The following TWIST2 variants were observed in gnomAD, a reference collection of about 807,000 sequenced individuals.
TWIST2 encodes the protein twist family bHLH transcription factor 2.
Under a neutral mutation model 11.6 loss-of-function variants are expected in TWIST2, and 1 was observed. That is an observed-to-expected ratio of 0.09 (90% CI 0.03 to 0.41). TWIST2 has a LOEUF of 0.41. TWIST2 is among the 10% of genes least tolerant of loss of function. TWIST2 has a pLI of 0.98. For synonymous variants in TWIST2, 87 were observed against 96.6 expected (o/e 0.90, Z 0.58); for missense variants, 168 against 226.4 (o/e 0.74, Z 1.66).
intron 1 of TWIST2, among the ~76,000 whole-genome samples, chr2:238,860,857 G>A (rs1352440194): frequency 1.3e-5 from 2 of 152,184 alleles, no homozygotes; most frequent in Non-Finnish European, 2.9e-5. Flanking sequence ...AGAATCGCTT[G>A]AACCTGGGAG....
chr2:238,886,265 A>G (rs1559280735), intron 1 of TWIST2, among the ~76,000 whole-genome samples: 1 of 152,060 alleles, frequency 6.6e-6, no homozygotes, highest in South Asian at 2.1e-4. Context: ...CTGAAGCACC[A>G]AAAACCCCAG....
intron 1 of TWIST2, among the ~76,000 whole-genome samples, chr2:238,851,417 G>T (rs1164756028): frequency 6.6e-6 from 1 of 152,180 alleles, no homozygotes; most frequent in East Asian, 1.9e-4. Flanking sequence ...TGAGTCTTCG[G>T]AGCAGGGTCC....
At chr2:238,850,193 T>A (rs1467849864) in intron 1 of TWIST2, among the ~76,000 whole-genome samples, 4 of 152,230 alleles carry the variant, frequency 2.6e-5, no homozygotes, top group African/African-American at 7.2e-5. Context: ...GTATAGTTTT[T>A]AAAAAATAAT....
intron 1 of TWIST2, among the ~76,000 whole-genome samples, chr2:238,898,937 C>T (rs1352087042): frequency 3.9e-5 from 6 of 152,224 alleles, no homozygotes; most frequent in South Asian, 4.1e-4. Context: ...CCCTTGGCAC[C>T]GTGTGGTGAT....
chr2:238,907,971 TAC>T (rs1376924569), intron 1 of TWIST2, among the ~76,000 whole-genome samples: 8 of 133,930 alleles, frequency 6.0e-5, no homozygotes, highest in Non-Finnish European at 9.5e-5. Flanking sequence ...TACCACACAC[TAC>T]ACACACACCC....
chr2:238,867,354 A>G lies in TWIST2; in HGVS notation c.*35+18621A>G, dbSNP rs1432043436. Among the ~76,000 whole-genome samples, 1 of 129,712 alleles carries G rather than the reference A, an allele frequency of 7.7e-6. No individual in the cohort carries two copies. Among genetic ancestry groups the G allele is most frequent in the Non-Finnish European group, 1.6e-5 (1 of 61,708 alleles). The allele number at this position is 129,712 out of a possible 152,430, so 85.1% of individuals were successfully genotyped here. ...GGGATGGAAGATTATTCTGGGGAGT[A>G]AAATGTCCTGCCTTCAACACACACA... is the stretch of plus-strand genomic sequence containing the variant. On this transcript the variant is annotated intron_variant, in intron 1 of 1. Coordinates refer to ENST00000612363, the MANE Select transcript of TWIST2 (RefSeq NM_001271893.4). The surrounding 1 kb of genome is among the most constrained non-coding windows in gnomAD (Gnocchi z 4.8).
In TWIST2 at chr2:238,867,477, A is replaced by G. The variant is rs1177442563; in HGVS notation, c.*35+18744A>G. 6.6e-6 allele frequency among the ~76,000 whole-genome samples: 1 copy of G among 151,706 alleles called. No homozygotes were observed. The highest frequency in any genetic ancestry group is 1.5e-5 in the Non-Finnish European group (1 of 67,952). On this transcript the variant is annotated intron_variant, in intron 1 of 1. Coordinates refer to ENST00000612363, the MANE Select transcript of TWIST2 (RefSeq NM_001271893.4). The surrounding 1 kb of genome is among the most constrained non-coding windows in gnomAD (Gnocchi z 4.8). The stretch of plus-strand genomic sequence containing the variant: ...GTGGCTCTGGGGGCAGGGGCACAAT[A>G]AAGAGAAGTCCCAGCCAGCTCCCGG...
At chr2:238,879,342 G>A (rs1267966973) in intron 1 of TWIST2, among the ~76,000 whole-genome samples, 3 of 152,248 alleles carry the variant, frequency 2.0e-5, no homozygotes, top group Admixed American at 6.5e-5. Flanking sequence ...GTCAGCCCAC[G>A]ACTGTTCTGG....
chr2:238,862,570 G>C (rs1035870030), intron 1 of TWIST2, among the ~76,000 whole-genome samples: 24 of 152,310 alleles, frequency 1.6e-4, no homozygotes, highest in African/African-American at 5.8e-4. Flanking sequence ...TGAGGAAGGT[G>C]GGGGAACCAG....
intron 1 of TWIST2, among the ~76,000 whole-genome samples, chr2:238,896,075 C>T (rs1471294242): frequency 1.3e-5 from 2 of 152,172 alleles, no homozygotes; most frequent in Non-Finnish European, 2.9e-5. Flanking sequence ...TGGTCATTCC[C>T]ACATTCCCAG....
At chr2:238,878,185 C>A (rs1051367573) in intron 1 of TWIST2, among the ~76,000 whole-genome samples, 1 of 152,148 alleles carries the variant, frequency 6.6e-6, no homozygotes, top group Non-Finnish European at 1.5e-5. Flanking sequence ...GGTGCCCTCT[C>A]CCCCACTGTA....
At chr2:238,868,929 G>C (rs1326053940) in intron 1 of TWIST2, among the ~76,000 whole-genome samples, 2 of 152,242 alleles carry the variant, frequency 1.3e-5, no homozygotes, top group Non-Finnish European at 2.9e-5. Context: ...GCATTTTCTA[G>C]AGAAAGGAAG....
chr2:238,853,876 G>C (rs1291862647), intron 1 of TWIST2, among the ~76,000 whole-genome samples: 7 of 152,346 alleles, frequency 4.6e-5, no homozygotes, highest in Non-Finnish European at 7.3e-5. Context: ...ACTGTGGTGT[G>C]ATAATATGAT....
chr2:238,905,946 CGCGCGTGTGTACGTGT>C (rs1693344466), intron 1 of TWIST2, among the ~76,000 whole-genome samples: 1 of 109,426 alleles, frequency 9.1e-6, no homozygotes, highest in African/African-American at 3.9e-5. Flanking sequence ...TGTGTGTGCG[CGCGCGTGTGTACGTGT>C]GCGTGTGTGT....
At chr2:238,909,072 TGTG>T (rs1292305253) in intron 1 of TWIST2, among the ~76,000 whole-genome samples, 104 of 20,018 alleles carry the variant, frequency 5.2e-3, no homozygotes, top group Middle Eastern at 0.024. Context: ...GTGTATGTAG[TGTG>T]GGGTGTGTGT....
intron 1 of TWIST2, among the ~76,000 whole-genome samples, chr2:238,887,602 C>T (rs1272281801): frequency 6.6e-6 from 1 of 152,204 alleles, no homozygotes; most frequent in African/African-American, 2.4e-5. Flanking sequence ...TCCTCAGAGC[C>T]CCTGTGGTTA....
rs1458894775 is a variant in TWIST2, at chr2:238,853,406, A to G, written c.*35+4673A>G. ...GGGAGAGAGAGAGAGAGAGAGAGGG[A>G]GAGAGGGAGAGATGGAGAGAGAGAA... On this transcript the variant is annotated intron_variant, in intron 1 of 1. Transcript: ENST00000612363. Among the ~76,000 whole-genome samples the G allele has an allele frequency of 5.4e-5, 8 of 147,562 alleles. No homozygotes were observed. The South Asian group carries it at 6.6e-4, about 12-fold the overall frequency.
chr2:238,883,864 C>T (rs1692983886), intron 1 of TWIST2, among the ~76,000 whole-genome samples: 1 of 152,180 alleles, frequency 6.6e-6, no homozygotes, highest in South Asian at 2.1e-4. Context: ...TTTCTCTCCT[C>T]CTGCATCTGC....
intron 1 of TWIST2, among the ~76,000 whole-genome samples, chr2:238,868,021 A>G (rs1692574812): frequency 6.6e-6 from 1 of 152,214 alleles, no homozygotes; most frequent in African/African-American, 2.4e-5. Context: ...TAGAAAAAAT[A>G]AATGCAGTAT....
Sources: gnomAD v4.1 joint callset for allele counts (sites outside exome capture counted in the v4.1 genomes callset) on GRCh38, gnomAD v4.1.1 for gene constraint, Gnocchi (gnomAD v3.1) non-coding constraint, MANE v1.5 for transcripts, NCBI Gene and HGNC (gene_info 2026-07-23, HGNC 2026-07-21) for gene names.